The following NRXN3 variants were observed in gnomAD, a reference collection of about 807,000 sequenced individuals.
NRXN3 encodes the protein neurexin III.
A neutral mutation model predicts 137.6 loss-of-function variants in NRXN3; 32 were observed. The observed-to-expected ratio is 0.23, with a 90% confidence interval of 0.18 to 0.31. The LOEUF (loss-of-function observed/expected upper bound fraction) is 0.31. NRXN3 is among the 10% of genes least tolerant of loss of function. The pLI is 1.00. For missense variants in NRXN3, 1,574 were observed against 2,062.5 expected, an observed-to-expected ratio of 0.76 and a Z score of 4.59; for synonymous variants, 798 against 784.5, an observed-to-expected ratio of 1.02 and a Z score of -0.29.
intron 19 of NRXN3, among the ~76,000 whole-genome samples, chr14:79,802,044 G>GAAA (rs766291290): frequency 4.0e-5 from 5 of 124,458 alleles, no homozygotes; most frequent in African/African-American, 1.2e-4. Flanking sequence ...TCCTTTTTCT[G>GAAA]AAAAAAAAAA....
chr14:79,839,926 G>C (rs761781925), intron 20 of NRXN3, among the ~76,000 whole-genome samples: 1 of 152,154 alleles, frequency 6.6e-6, no homozygotes, highest in Admixed American at 6.5e-5. Flanking sequence ...AACTTCTGAT[G>C]TATCAGTAAG....
At chr14:79,316,086 C>T (rs1451162685) in intron 15 of NRXN3, among the ~76,000 whole-genome samples, 3 of 152,144 alleles carry the variant, frequency 2.0e-5, no homozygotes, top group Non-Finnish European at 2.9e-5. Flanking sequence ...ACTCCCGAAT[C>T]GCGAGGAAGG....
chr14:79,597,902 C>T (rs2097876939), intron 16 of NRXN3, among the ~76,000 whole-genome samples: 1 of 152,136 alleles, frequency 6.6e-6, no homozygotes, highest in African/African-American at 2.4e-5. Flanking sequence ...GGCAGATTAA[C>T]CTCAAGGCAT....
chr14:78,355,818 C>T (rs557808233), intron 4 of NRXN3, among the ~76,000 whole-genome samples: 12 of 152,288 alleles, frequency 7.9e-5, no homozygotes, highest in Admixed American at 6.5e-4. Flanking sequence ...ATCTTTAATA[C>T]ATGATTGGTT....
intron 8 of NRXN3, among the ~76,000 whole-genome samples, chr14:78,755,232 G>A (rs757755116): frequency 1.4e-5 from 2 of 144,104 alleles, no homozygotes; most frequent in African/African-American, 2.6e-5. Flanking sequence ...TTGCTATGTC[G>A]CCCAGACTGT....
intron 16 of NRXN3, among the ~76,000 whole-genome samples, chr14:79,632,558 T>C (rs1025164273): frequency 2.0e-4 from 31 of 152,328 alleles, no homozygotes; most frequent in African/African-American, 7.2e-4. Context: ...GGTTGTTCAC[T>C]GAGAGCAATC....
rs555663478 is a variant in NRXN3, at chr14:78,847,997, G to A, written c.2275+37653G>A. 1.6e-3 allele frequency among the ~76,000 whole-genome samples: 248 copies of A among 152,190 alleles called. 1 individual carries two copies. The highest frequency in any genetic ancestry group is 7.1e-3 in the South Asian group (34 of 4,822). On this transcript the variant is annotated intron_variant, in intron 10 of 20. Transcript: ENST00000335750. ...ATTTGGGGCATTGCAGTGAATAAGGGATATTAATAGAATTCCACCCCCGGC... is the reference window on the plus strand; with the variant it reads ...ATTTGGGGCATTGCAGTGAATAAGGAATATTAATAGAATTCCACCCCCGGC...
chr14:78,518,643 G>A (rs2096245478), intron 4 of NRXN3, among the ~76,000 whole-genome samples: 3 of 152,110 alleles, frequency 2.0e-5, no homozygotes. Flanking sequence ...ACACATATGG[G>A]AGCAGGCTTT....
chr14:79,120,330 T>G lies in NRXN3; in HGVS notation c.3262+132189T>G, dbSNP rs545306403. 3.2e-4 allele frequency among the ~76,000 whole-genome samples: 49 copies of G among 152,246 alleles called. 1 individual carries two copies. Among genetic ancestry groups the G allele is most frequent in the African/African-American group, 1.1e-3 (46 of 41,568 alleles). On this transcript the variant is annotated intron_variant, in intron 15 of 20. Transcript: ENST00000335750. ...ATTGTGGCCATGGTGCACCTGCACT[T>G]TAAGTAATAACAAAGCTGAAAAATA... is the stretch of plus-strand genomic sequence containing the variant.
At chr14:78,610,134 CTT>C (rs1489121287) in intron 4 of NRXN3, among the ~76,000 whole-genome samples, 2 of 152,100 alleles carry the variant, frequency 1.3e-5, no homozygotes, top group East Asian at 3.9e-4. Context: ...TGTCAAGTAT[CTT>C]AGCCTTTCTT....
intron 19 of NRXN3, among the ~76,000 whole-genome samples, chr14:79,763,511 A>AGAT (rs2099045961): frequency 6.6e-6 from 1 of 151,656 alleles, no homozygotes; most frequent in African/African-American, 2.4e-5. Flanking sequence ...TTTCAAAGGC[A>AGAT]GATAGCTATC....
intron 15 of NRXN3, among the ~76,000 whole-genome samples, chr14:79,073,374 T>C (rs1432908932): frequency 6.6e-6 from 1 of 152,170 alleles, no homozygotes; most frequent in African/African-American, 2.4e-5. Flanking sequence ...CTATTTCCTG[T>C]AGGAACTTGC....
Position 79,647,768 on chromosome 14 carries a change from G to A in NRXN3, c.3445-16010G>A, listed in dbSNP as rs186729165. On this transcript the variant is annotated intron_variant, in intron 16 of 20. Coordinates refer to ENST00000335750, the MANE Select transcript of NRXN3 (RefSeq NM_001330195.2). ...CATCCCAACTCTTCAAAGAGGAAGG[G>A]AACTAAAATTCCTTGAGCATCTTCT... Among the ~76,000 whole-genome samples the A allele has an allele frequency of 4.8e-3, 653 of 135,646 alleles. 151 individuals carry two copies. The highest frequency in any genetic ancestry group is 6.9e-3 in the Non-Finnish European group (404 of 58,314). 89.0% of individuals were successfully genotyped at this position (135,646 alleles called of 152,430 possible).
chr14:78,230,332 C>G (rs1007532810), intron 1 of NRXN3, among the ~76,000 whole-genome samples: 15 of 147,010 alleles, frequency 1.0e-4, no homozygotes, highest in East Asian at 3.9e-4. Flanking sequence ...CTGTCTGTCT[C>G]TCTCTCTCTC....
intron 2 of NRXN3, among the ~76,000 whole-genome samples, chr14:78,271,193 T>A (rs2072670138): frequency 6.6e-6 from 1 of 152,250 alleles, no homozygotes; most frequent in Non-Finnish European, 1.5e-5. Flanking sequence ...CTGCTTCCTC[T>A]ATTACGTGTC....
intron 4 of NRXN3, among the ~76,000 whole-genome samples, chr14:78,530,117 A>C (rs2096439176): frequency 6.6e-6 from 1 of 152,234 alleles, no homozygotes; most frequent in Non-Finnish European, 1.5e-5. Flanking sequence ...AATCAGAGAG[A>C]TAAAAGAAAG....
intron 15 of NRXN3, among the ~76,000 whole-genome samples, chr14:79,253,487 T>C (rs1362410800): frequency 6.6e-6 from 1 of 152,140 alleles, no homozygotes; most frequent in Non-Finnish European, 1.5e-5. Context: ...GAGGGCAAAA[T>C]TAGACTTCTT....
intron 1 of NRXN3, among the ~76,000 whole-genome samples, chr14:78,233,502 C>A (rs183697987): frequency 1.3e-5 from 2 of 152,074 alleles, no homozygotes; most frequent in African/African-American, 4.8e-5. Context: ...GGACATAGAA[C>A]CCCTAAAGAT....
intron 2 of NRXN3, among the ~76,000 whole-genome samples, chr14:78,254,238 A>G (rs2069125319): frequency 6.6e-6 from 1 of 152,168 alleles, no homozygotes; most frequent in African/African-American, 2.4e-5. Flanking sequence ...TTGCACTGTG[A>G]AAGATTCATG....
Sources: allele counts gnomAD v4.1 joint callset (sites outside exome capture counted in the v4.1 genomes callset), GRCh38; gene constraint gnomAD v4.1.1; transcripts MANE v1.5; gene names NCBI Gene and HGNC (gene_info 2026-07-23, HGNC 2026-07-21).